CNTLN: variants seen among roughly 807,000 people sequenced by gnomAD.
CNTLN encodes centlein, centrosomal protein.
Under a neutral mutation model 180.0 loss-of-function variants are expected in CNTLN, and 212 were observed. The ratio of observed to expected loss-of-function variants is 1.18; its 90% confidence interval spans 1.05 to 1.32. The LOEUF (loss-of-function observed/expected upper bound fraction) is 1.32. Among genes scored for constraint, CNTLN ranks in the 40% most tolerant of loss-of-function variants. The pLI is 0.00. For synonymous variants in CNTLN, 722 were observed against 563.1 expected (o/e 1.28, Z -3.99); for missense variants, 2,095 against 1,610.9 (o/e 1.30, Z -5.14).
chr9:17,459,509 AC>A (rs1286078604), intron 19 of CNTLN, among the ~76,000 whole-genome samples: 1 of 151,882 alleles, frequency 6.6e-6, no homozygotes, highest in African/African-American at 2.4e-5. Flanking sequence ...TTCCTAGAAG[AC>A]CAAGTACCTT....
chr9:17,274,791 G>A (rs1036475298), intron 6 of CNTLN, among the ~76,000 whole-genome samples: 1 of 152,040 alleles, frequency 6.6e-6, no homozygotes, highest in African/African-American at 2.4e-5. Context: ...GCATTGGTAA[G>A]GGGGTCAAGT....
At chr9:17,268,895 G>A (rs904366539) in intron 5 of CNTLN, among the ~76,000 whole-genome samples, 1 of 151,914 alleles carries the variant, frequency 6.6e-6, no homozygotes, top group Admixed American at 6.6e-5. Context: ...GAAAAGTGCA[G>A]TATTAGGGTG....
chr9:17,307,807 T>A (rs1053124463), intron 7 of CNTLN, among the ~76,000 whole-genome samples: 1 of 152,144 alleles, frequency 6.6e-6, no homozygotes, highest in Non-Finnish European at 1.5e-5. Context: ...CAATCTTTTA[T>A]GTATGTAAGT....
At chr9:17,200,678 A>G (rs965686069) in intron 2 of CNTLN, among the ~76,000 whole-genome samples, 3 of 152,118 alleles carry the variant, frequency 2.0e-5, no homozygotes, top group African/African-American at 7.2e-5. Flanking sequence ...ATTTTTGCAC[A>G]TTGATTTGTA....
At chr9:17,435,712 G>A (rs1477430543) in intron 18 of CNTLN, among the ~76,000 whole-genome samples, 1 of 152,078 alleles carries the variant, frequency 6.6e-6, no homozygotes, top group Non-Finnish European at 1.5e-5. Flanking sequence ...ACAGGTGCAT[G>A]CCAACACGTC....
intron 6 of CNTLN, among the ~76,000 whole-genome samples, chr9:17,283,241 G>GT (rs1211289458): frequency 6.6e-6 from 1 of 152,032 alleles, no homozygotes; most frequent in Non-Finnish European, 1.5e-5. Context: ...TTTTTCATTT[G>GT]TTTTTGCCCT....
chr9:17,252,974 T>A (rs1247992085), intron 5 of CNTLN, among the ~76,000 whole-genome samples: 2 of 151,758 alleles, frequency 1.3e-5, no homozygotes, highest in African/African-American at 4.8e-5. Context: ...TTCATTCTTT[T>A]ACTCATGGTT....
intron 2 of CNTLN, among the ~76,000 whole-genome samples, chr9:17,216,008 G>A (rs904108271): frequency 1.6e-4 from 25 of 152,062 alleles, no homozygotes; most frequent in Admixed American, 2.6e-4. Flanking sequence ...CCCGGGTGAG[G>A]CAGTGCCTCA....
intron 6 of CNTLN, among the ~76,000 whole-genome samples, chr9:17,277,342 A>G (rs1828377064): frequency 6.6e-6 from 1 of 152,134 alleles, no homozygotes; most frequent in Admixed American, 6.5e-5. Flanking sequence ...GAGTCAAGAC[A>G]GTGCAGTCAT....
intron 2 of CNTLN, among the ~76,000 whole-genome samples, chr9:17,183,251 A>C (rs778112887): frequency 6.6e-6 from 1 of 152,250 alleles, no homozygotes; most frequent in South Asian, 2.1e-4. Flanking sequence ...TCATCCATAA[A>C]TCCAAACCAT....
intron 5 of CNTLN, among the ~76,000 whole-genome samples, chr9:17,251,965 C>G (rs1049931178): frequency 6.6e-6 from 1 of 151,812 alleles, no homozygotes; most frequent in Non-Finnish European, 1.5e-5. Flanking sequence ...TTTTAGCTTA[C>G]AGATGTGAGT....
intron 2 of CNTLN, among the ~76,000 whole-genome samples, chr9:17,170,780 C>A (rs75848915): frequency 6.6e-6 from 1 of 151,782 alleles, no homozygotes; most frequent in Non-Finnish European, 1.5e-5. Context: ...ACTCATTTTC[C>A]TCATTACAAT....
rs557343602 is a variant in CNTLN, at chr9:17,252,374, G to A, written c.849+15786G>A. Among the ~76,000 whole-genome samples the A allele has an allele frequency of 5.3e-5, 8 of 151,616 alleles. No homozygotes were observed. The South Asian group carries it at 1.7e-3, about 31-fold the overall frequency. ...TTCACCAACAGTGTATAAGAGTTCTGTTATATACGCTGTTGTATCCTCACT... is the reference window on the plus strand; with the variant it reads ...TTCACCAACAGTGTATAAGAGTTCTATTATATACGCTGTTGTATCCTCACT... On this transcript the variant is annotated intron_variant, in intron 5 of 25. Transcript: ENST00000380647.
chr9:17,513,323 T>G, the CNTLN span, among the ~76,000 whole-genome samples: 11 of 152,222 alleles, frequency 7.2e-5, no homozygotes, highest in South Asian at 2.3e-3. Context: ...GCTAAAGCTC[T>G]ATTTAAAAGA....
intron 25 of CNTLN, among the ~76,000 whole-genome samples, chr9:17,498,948 G>A (rs561876353): frequency 1.3e-5 from 2 of 152,296 alleles, no homozygotes; most frequent in African/African-American, 4.8e-5. Context: ...TTCTAAGGGA[G>A]ACGTAGCCCC....
intron 5 of CNTLN, among the ~76,000 whole-genome samples, chr9:17,247,886 T>G (rs1825894343): frequency 6.7e-6 from 1 of 148,558 alleles, no homozygotes; most frequent in Non-Finnish European, 1.5e-5. Context: ...GGCTAGAGTG[T>G]GGTGGGATGA....
chr9:17,367,993 C>G (rs1042906084), intron 13 of CNTLN, among the ~76,000 whole-genome samples: 1 of 152,132 alleles, frequency 6.6e-6, no homozygotes, highest in Non-Finnish European at 1.5e-5. Flanking sequence ...ATTTGTCTTG[C>G]ACCTTAGGTA....
intron 2 of CNTLN, among the ~76,000 whole-genome samples, chr9:17,153,166 T>G (rs1819015742): frequency 6.6e-6 from 1 of 152,226 alleles, no homozygotes; most frequent in Non-Finnish European, 1.5e-5. Context: ...CATTTAAGGT[T>G]AATATTTTTA....
Position 17,270,957 on chromosome 9 carries a change from T to A in CNTLN, c.850-2776T>A, listed in dbSNP as rs1231493880. On this transcript the variant is annotated intron_variant, in intron 5 of 25. Coordinates refer to ENST00000380647, the MANE Select transcript of CNTLN (RefSeq NM_017738.4). ...CTTCAGAGAGGAGTTCTTTTTTTTT[T>A]TTTTTTTTTTTGAGACAGAGTCTTG... is the stretch of plus-strand genomic sequence containing the variant. Among the ~76,000 whole-genome samples, 17 of 86,254 alleles carry A rather than the reference T, an allele frequency of 2.0e-4. No individual in the cohort carries two copies. The East Asian group carries it at 4.0e-3, about 20-fold the overall frequency. The allele number at this position is 86,254 out of a possible 152,430, so 56.6% of individuals were successfully genotyped here.
Sources: gnomAD v4.1 joint callset for allele counts (sites outside exome capture counted in the v4.1 genomes callset) on GRCh38, gnomAD v4.1.1 for gene constraint, MANE v1.5 for transcripts, NCBI Gene and HGNC (gene_info 2026-07-23, HGNC 2026-07-21) for gene names.